CCDC169: variants seen among roughly 807,000 people sequenced by gnomAD.
CCDC169 encodes the protein coiled-coil domain containing 169.
CCDC169 carries 30 observed loss-of-function variants against 36.0 expected under a neutral mutation model. The ratio of observed to expected loss-of-function variants is 0.83; its 90% CI spans 0.62 to 1.13. The LOEUF (loss-of-function observed/expected upper bound fraction) is 1.13. CCDC169 is among the 50% of genes most tolerant of loss of function. The pLI is 0.00. For synonymous variants in CCDC169, 85 were observed against 81.5 expected (o/e 1.04, Z -0.23); for missense variants, 245 against 245.9 (o/e 1.00, Z 0.03).
intron 7 of CCDC169, among the ~76,000 whole-genome samples, chr13:36,247,921 G>A (rs995286422): frequency 1.1e-4 from 16 of 152,142 alleles, no homozygotes; most frequent in Non-Finnish European, 1.5e-5. Flanking sequence ...TTTCATAAAA[G>A]AGTCAATCGG....
chr13:36,280,480 T>C (rs1197861610), intron 4 of CCDC169: 4 of 152,160 alleles, frequency 2.6e-5, no homozygotes, highest in Admixed American at 6.5e-5. Flanking sequence ...TAATATATCA[T>C]TGAAAAATGC....
At chr13:36,294,446 T>C (rs1334727382) in intron 2 of CCDC169, among the ~76,000 whole-genome samples, 2 of 152,142 alleles carry the variant, frequency 1.3e-5, no homozygotes, top group South Asian at 2.1e-4. Context: ...ACTTCAGCCT[T>C]GGGACAAAGT....
intron 4 of CCDC169, among the ~76,000 whole-genome samples, chr13:36,278,016 C>G (rs2138588939): frequency 6.6e-6 from 1 of 151,710 alleles, no homozygotes; most frequent in East Asian, 1.9e-4. Context: ...CCAAAAGATT[C>G]AGAAGATTCA....
At chr13:36,270,794 T>C (rs927911238) in intron 4 of CCDC169, among the ~76,000 whole-genome samples, 5 of 151,660 alleles carry the variant, frequency 3.3e-5, no homozygotes, top group Non-Finnish European at 5.9e-5. Flanking sequence ...AAGACTTACA[T>C]ATAAGATCTG....
At chr13:36,227,474 T>TCACACA, downstream of CCDC169, 1 of 1,281,034 alleles carries the variant, frequency 7.8e-7, no homozygotes, top group Non-Finnish European at 1.0e-6. Flanking sequence ...TATTGTATTT[T>TCACACA]TACACACACA....
intron 7 of CCDC169, among the ~76,000 whole-genome samples, chr13:36,247,841 T>C (rs1002091336): frequency 3.9e-5 from 6 of 152,232 alleles, no homozygotes; most frequent in African/African-American, 1.4e-4. Context: ...GAAAGGACTA[T>C]GCCAATTTTG....
chr13:36,227,232 A>T, downstream of CCDC169: 1 of 1,549,632 alleles, frequency 6.5e-7, no homozygotes, highest in Non-Finnish European at 8.7e-7. Context: ...ACACACAGCC[A>T]AGGTTGAGGA....
intron 7 of CCDC169, among the ~76,000 whole-genome samples, chr13:36,241,758 G>A (rs1408088835): frequency 6.6e-6 from 1 of 152,144 alleles, no homozygotes; most frequent in Admixed American, 6.5e-5. Flanking sequence ...GGGTTATAGA[G>A]AAGGTATATG....
chr13:36,261,096 C>T (rs1403811127), intron 4 of CCDC169, among the ~76,000 whole-genome samples: 2 of 152,100 alleles, frequency 1.3e-5, no homozygotes, highest in East Asian at 3.9e-4. Flanking sequence ...GTAATTTTCA[C>T]CAGAGAGCAC....
intron 7 of CCDC169, among the ~76,000 whole-genome samples, chr13:36,245,265 A>G (rs1270055243): frequency 6.6e-6 from 1 of 152,138 alleles, no homozygotes; most frequent in African/African-American, 2.4e-5. Context: ...GTGTGTAGAC[A>G]TAACCTTGTA....
intron 4 of CCDC169, among the ~76,000 whole-genome samples, chr13:36,256,624 AG>A (rs1457239646): frequency 3.3e-5 from 5 of 152,166 alleles, no homozygotes; most frequent in African/African-American, 7.2e-5. Flanking sequence ...TCTGAAGGGA[AG>A]GCCTACTCAT....
intron 6 of CCDC169, among the ~76,000 whole-genome samples, chr13:36,253,599 T>C (rs1336833161): frequency 6.6e-6 from 1 of 152,212 alleles, no homozygotes; most frequent in Non-Finnish European, 1.5e-5. Context: ...CCTCCCAAAG[T>C]GCTGGGATTA....
At chr13:36,249,222 C>T (rs1353465404) in intron 6 of CCDC169, among the ~76,000 whole-genome samples, 1 of 152,090 alleles carries the variant, frequency 6.6e-6, no homozygotes, top group African/African-American at 2.4e-5. Flanking sequence ...TGAGATCATT[C>T]ATTGAGGGTA....
At chr13:36,228,952 C>T (rs9531637), downstream of CCDC169, among the ~76,000 whole-genome samples, 61,646 of 152,086 alleles carry the variant, frequency 0.41, 13,269 homozygotes, top group Non-Finnish European at 0.48. Context: ...GTCATTGCTT[C>T]TTTGCACTGA....
intron 6 of CCDC169, 135 bp downstream of exon 6, chr13:36,253,668 T>G (rs1873461726): frequency 9.7e-7 from 1 of 1,028,008 alleles, no homozygotes; most frequent in African/African-American, 1.6e-5. Context: ...TATATTTTCC[T>G]GTCTACCCTC....
In CCDC169 at chr13:36,276,691, T is replaced by C. The variant is rs545093688; in HGVS notation, c.315+6778A>G. On this transcript the variant is annotated intron_variant, in intron 4 of 7. Transcript: ENST00000239859. ...TAGAGAAAGAGAAAAATAGGGGTCA[T>C]CACTTTTATGACTCTGAATGAGTCA... Among the ~76,000 whole-genome samples, 13 of 152,264 alleles carry C rather than the reference T, an allele frequency of 8.5e-5. No individual in the cohort carries two copies. In the East Asian group the frequency reaches 2.5e-3, roughly 29 times the overall value.
At chr13:36,259,476 G>A (rs1268614076) in intron 4 of CCDC169, among the ~76,000 whole-genome samples, 1 of 152,206 alleles carries the variant, frequency 6.6e-6, no homozygotes, top group Non-Finnish European at 1.5e-5. Flanking sequence ...GAGTGAAGCA[G>A]GCTTAAGTAA....
At chr13:36,226,644 C>T (rs996369529), downstream of CCDC169, 9 of 152,596 alleles carry the variant, frequency 5.9e-5, no homozygotes, top group African/African-American at 2.2e-4. Flanking sequence ...TCCTTTGTAA[C>T]AATATGGATG....
At chr13:36,257,303 T>A (rs1332007373) in intron 4 of CCDC169, among the ~76,000 whole-genome samples, 1 of 152,176 alleles carries the variant, frequency 6.6e-6, no homozygotes, top group African/African-American at 2.4e-5. Context: ...CATAGCCCTG[T>A]GTCCACACAA....
Sources: allele counts gnomAD v4.1 joint callset (sites outside exome capture counted in the v4.1 genomes callset), GRCh38; gene constraint gnomAD v4.1.1; transcripts MANE v1.5; gene names NCBI Gene and HGNC (gene_info 2026-07-23, HGNC 2026-07-21).